The following SLC49A4 variants were observed in gnomAD, a reference collection of about 807,000 sequenced individuals.
SLC49A4 encodes solute carrier family 49 member 4.
SLC49A4 carries 36 observed loss-of-function variants against 50.6 expected under a neutral mutation model. That is an observed-to-expected ratio of 0.71 (90% CI 0.55 to 0.94). The LOEUF (loss-of-function observed/expected upper bound fraction) is 0.94. SLC49A4 is among the 40% of genes least tolerant of loss of function. The probability of loss-of-function intolerance (pLI) is 0.00; values close to 1 mark genes in which losing one functional copy is unlikely to be tolerated. For synonymous variants in SLC49A4, 248 were observed against 241.2 expected, an observed-to-expected ratio of 1.03 and a Z score of -0.26; for missense variants, 503 against 605.7, an observed-to-expected ratio of 0.83 and a Z score of 1.78.
At chr3:122,811,616 C>T (rs1039827079) in intron 2 of SLC49A4, among the ~76,000 whole-genome samples, 2 of 152,138 alleles carry the variant, frequency 1.3e-5, no homozygotes, top group African/African-American at 2.4e-5. Context: ...CAAGAATTAC[C>T]ATGTTTGTGC....
In SLC49A4 at chr3:122,860,177, C is replaced by T. The variant is rs1937041878; in HGVS notation, c.1113C>T (p.Ser371=). The T allele has an allele frequency of 6.2e-7, 1 of 1,608,256 alleles. No individual in the cohort carries two copies. Among genetic ancestry groups the T allele is most frequent in the Non-Finnish European group, 8.5e-7 (1 of 1,177,476 alleles). The change falls in exon 7 of 9, where the codon AGC becomes AGT. Residue 371 remains serine (S), a synonymous_variant. Coordinates refer to ENST00000261038, the MANE Select transcript of SLC49A4 (RefSeq NM_032839.3). ...STWFTLTCLN[S]ITHLPLTTVT... Reference sequence around the variant, plus strand: ...GGTTCACCCTGACCTGTTTGAACAGCATCACACACCTACCTTTAACCACAG... The same window carrying T: ...GGTTCACCCTGACCTGTTTGAACAGTATCACACACCTACCTTTAACCACAG...
At chr3:122,851,827 A>G (rs1218306937) in intron 5 of SLC49A4, among the ~76,000 whole-genome samples, 1 of 150,500 alleles carries the variant, frequency 6.6e-6, no homozygotes, top group Non-Finnish European at 1.5e-5. Context: ...TTCTTCTCCC[A>G]CCCACTTTTT....
At chr3:122,837,470 C>G (rs1936704242) in intron 4 of SLC49A4, among the ~76,000 whole-genome samples, 1 of 152,124 alleles carries the variant, frequency 6.6e-6, no homozygotes, top group Non-Finnish European at 1.5e-5. Context: ...ACAGGATTCC[C>G]TATTTAATAA....
rs115000248 is a variant in SLC49A4 at position 122,862,383 on chromosome 3, A to G, written c.1138+2181A>G. Among the ~76,000 whole-genome samples, 1,257 of 152,304 alleles carry G rather than the reference A, an allele frequency of 8.3e-3. 11 individuals carry two copies. Among genetic ancestry groups the G allele is most frequent in the African/African-American group, 0.027 (1,106 of 41,550 alleles). ...CCTGCCAACAGTCCCTCTTCTCTGT[A>G]CACATGCTTTGCCTGGAAAACCCAG... On this transcript the variant is annotated intron_variant, in intron 7 of 8. Coordinates refer to ENST00000261038, the MANE Select transcript of SLC49A4 (RefSeq NM_032839.3).
chr3:122,861,810 G>C (rs1379929627), intron 7 of SLC49A4, among the ~76,000 whole-genome samples: 2 of 152,218 alleles, frequency 1.3e-5, no homozygotes, highest in East Asian at 1.9e-4. Flanking sequence ...CACCAAGCCA[G>C]CCACCCTGGA....
chr3:122,837,405 C>T (rs1471561652), intron 4 of SLC49A4, among the ~76,000 whole-genome samples: 10 of 151,964 alleles, frequency 6.6e-5, no homozygotes, highest in South Asian at 2.1e-4. Flanking sequence ...GAAATAATGC[C>T]GCATATCTAC....
At chr3:122,826,017 A>C (rs899298201) in intron 2 of SLC49A4, among the ~76,000 whole-genome samples, 3 of 152,164 alleles carry the variant, frequency 2.0e-5, no homozygotes, top group Non-Finnish European at 4.4e-5. Context: ...GAGTATGAGA[A>C]CTGGAAGGGA....
At chr3:122,805,963 G>A (rs376361450) in intron 1 of SLC49A4, among the ~76,000 whole-genome samples, 4 of 151,804 alleles carry the variant, frequency 2.6e-5, no homozygotes, top group Middle Eastern at 3.4e-3. Flanking sequence ...GAAAACCATC[G>A]GATAAATCAA....
At chr3:122,835,176 T>A (rs11721137) in intron 4 of SLC49A4, among the ~76,000 whole-genome samples, 1 of 151,984 alleles carries the variant, frequency 6.6e-6, no homozygotes, top group Non-Finnish European at 1.5e-5. Flanking sequence ...TTCCAAAAGA[T>A]TGAGAAAGCA....
Position 122,873,855 on chromosome 3 carries a change from T to C in SLC49A4, c.1321+1258T>C, listed in dbSNP as rs574354920. On this transcript the variant is annotated intron_variant, in intron 8 of 8. Coordinates refer to ENST00000261038, the MANE Select transcript of SLC49A4 (RefSeq NM_032839.3). Reference sequence around the variant, plus strand: ...ACATATCAGCTTTAATCCACTTCAGTTGTATCACAATTTAAATTAAGTGGC... The same window carrying C: ...ACATATCAGCTTTAATCCACTTCAGCTGTATCACAATTTAAATTAAGTGGC... 2.0e-5 allele frequency among the ~76,000 whole-genome samples: 3 copies of C among 152,346 alleles called. No individual in the cohort carries two copies. The South Asian group carries it at 6.2e-4, about 32-fold the overall frequency.
chr3:122,847,154 A>T lies in SLC49A4; in HGVS notation c.942+1283A>T, dbSNP rs189060401. On this transcript the variant is annotated intron_variant, in intron 5 of 8. Transcript: ENST00000261038. ...GGAAGCCTTACTCTAGTGTAGACCC[A>T]TTATAAACAAAGACAAAAATCTGAA... is the stretch of plus-strand genomic sequence containing the variant. Among the ~76,000 whole-genome samples, 1,325 of 152,272 alleles carry T rather than the reference A, an allele frequency of 8.7e-3. 19 individuals are homozygous for T. The highest frequency in any genetic ancestry group is 8.5e-3 in the Non-Finnish European group (581 of 68,026).
In SLC49A4 at chr3:122,795,113, G is replaced by C. The variant is rs1442263501; in HGVS notation, c.-80G>C. On this transcript the variant is annotated 5_prime_UTR_variant, in exon 1 of 9. Coordinates refer to ENST00000261038, the MANE Select transcript of SLC49A4 (RefSeq NM_032839.3). ...ACCACAGCAGCCTCCGCCTCCTGCT[G>C]CTCAGGACTATTCTGCGCTGGGCTA... is the stretch of plus-strand genomic sequence containing the variant. 1.3e-5 allele frequency: 16 copies of C among 1,250,328 alleles called. No individual in the cohort carries two copies. Among genetic ancestry groups the C allele is most frequent in the African/African-American group, 1.6e-5 (1 of 64,140 alleles). 77.5% of individuals were successfully genotyped at this position (1,250,328 alleles called of 1,614,324 possible).
intron 2 of SLC49A4, among the ~76,000 whole-genome samples, chr3:122,819,936 G>C (rs1936428071): frequency 6.6e-6 from 1 of 151,570 alleles, no homozygotes; most frequent in African/African-American, 2.4e-5. Context: ...GAGTTTTGGA[G>C]GTAAGTATTT....
At chr3:122,801,261 T>C (rs1331940057) in intron 1 of SLC49A4, among the ~76,000 whole-genome samples, 2 of 152,252 alleles carry the variant, frequency 1.3e-5, no homozygotes, top group South Asian at 2.1e-4. Flanking sequence ...GTTAGACTAC[T>C]AGAGGGAATG....
Position 122,795,073 on chromosome 3 carries a change from C to T in SLC49A4, c.-120C>T, listed in dbSNP as rs534733806. The T allele has an allele frequency of 4.3e-6, 5 of 1,167,468 alleles. No individual in the cohort carries two copies. The highest frequency in any genetic ancestry group is 3.2e-5 in the African/African-American group (2 of 62,638). The allele number at this position is 1,167,468 out of a possible 1,614,324, so 72.3% of individuals were successfully genotyped here. A position where few individuals can be genotyped will look rare whatever the true frequency, so the allele number is the denominator to read the frequency against. The stretch of plus-strand genomic sequence containing the variant: ...CCGCGCAGGCGCACCAGGCGCGGTC[C>T]GGAGGCCGAGGGCGACCACAGCAGC... On this transcript the variant is annotated 5_prime_UTR_variant, in exon 1 of 9. Coordinates refer to ENST00000261038, the MANE Select transcript of SLC49A4 (RefSeq NM_032839.3).
intron 1 of SLC49A4, among the ~76,000 whole-genome samples, chr3:122,801,820 A>T (rs926470086): frequency 6.6e-6 from 1 of 152,148 alleles, no homozygotes; most frequent in Non-Finnish European, 1.5e-5. Flanking sequence ...ATAATGAGCC[A>T]AGACATCTTT....
intron 2 of SLC49A4, among the ~76,000 whole-genome samples, chr3:122,816,971 C>T (rs1936375832): frequency 1.3e-5 from 2 of 152,176 alleles, no homozygotes; most frequent in African/African-American, 2.4e-5. Flanking sequence ...AAAAGGAAAA[C>T]AGAATGACCC....
At chr3:122,848,440 G>T (rs1388528029) in intron 5 of SLC49A4, among the ~76,000 whole-genome samples, 1 of 151,732 alleles carries the variant, frequency 6.6e-6, no homozygotes, top group Non-Finnish European at 1.5e-5. Context: ...CCTTTATTAG[G>T]ATTTCTGTTA....
intron 1 of SLC49A4, among the ~76,000 whole-genome samples, chr3:122,798,358 G>T (rs1936078992): frequency 6.6e-6 from 1 of 152,026 alleles, no homozygotes; most frequent in Non-Finnish European, 1.5e-5. Context: ...TCCATGGCAG[G>T]ATAAATTAGA....
Sources: allele counts gnomAD v4.1 joint callset (sites outside exome capture counted in the v4.1 genomes callset), GRCh38; gene constraint gnomAD v4.1.1; transcripts MANE v1.5; gene names NCBI Gene and HGNC (gene_info 2026-07-23, HGNC 2026-07-21).